Variants in ARPP21 observed in about 807,000 individuals in gnomAD.
The protein encoded by ARPP21 is cAMP-regulated phosphoprotein 21.
Under a neutral mutation model 113.2 loss-of-function variants are expected in ARPP21, and 69 were observed. The observed-to-expected ratio is 0.61, with a 90% CI of 0.50 to 0.74. The LOEUF is 0.74. ARPP21 is among the 30% of genes least tolerant of loss of function. The probability of loss-of-function intolerance (pLI) is 0.00; values close to 1 mark genes in which losing one functional copy is unlikely to be tolerated. For missense variants in ARPP21, 1,070 were observed against 1,037.4 expected (o/e 1.03, Z -0.43); for synonymous variants, 368 against 375.5 (o/e 0.98, Z 0.23).
chr3:35,720,261 A>G (rs1376197768), intron 13 of ARPP21, among the ~76,000 whole-genome samples: 4 of 152,222 alleles, frequency 2.6e-5, no homozygotes, highest in Non-Finnish European at 5.9e-5. Context: ...TTTGCTTTAC[A>G]AAGTTCCTGT....
chr3:35,697,395 T>C (rs1384429273), intron 9 of ARPP21, among the ~76,000 whole-genome samples: 1 of 151,602 alleles, frequency 6.6e-6, no homozygotes, highest in Non-Finnish European at 1.5e-5. Context: ...CCTGGGTATT[T>C]TGCCTGGAGT....
At chr3:35,717,665 T>C (rs2150220567) in intron 13 of ARPP21, among the ~76,000 whole-genome samples, 1 of 152,254 alleles carries the variant, frequency 6.6e-6, no homozygotes, top group East Asian at 1.9e-4. Context: ...CTGAGTTAAA[T>C]TTTCACTGAC....
At chr3:35,770,218 A>G (rs2096148947) in intron 19 of ARPP21, among the ~76,000 whole-genome samples, 1 of 152,254 alleles carries the variant, frequency 6.6e-6, no homozygotes, top group African/African-American at 2.4e-5. Flanking sequence ...ATTATCTTAT[A>G]GAAAGAACAT....
intron 19 of ARPP21, among the ~76,000 whole-genome samples, chr3:35,746,114 C>T (rs1343479018): frequency 6.6e-6 from 1 of 152,212 alleles, no homozygotes; most frequent in African/African-American, 2.4e-5. Context: ...CACATGCACA[C>T]TGAGACCTTT....
At chr3:35,680,595 T>G (rs974095474) in intron 2 of ARPP21, among the ~76,000 whole-genome samples, 3 of 151,968 alleles carry the variant, frequency 2.0e-5, no homozygotes, top group Non-Finnish European at 4.4e-5. Context: ...AAGAAACATA[T>G]TAAAACTCTT....
chr3:35,681,437 G>C (rs2078894702), intron 2 of ARPP21: 1 of 238,468 alleles, frequency 4.2e-6, no homozygotes, highest in Non-Finnish European at 8.3e-6. Flanking sequence ...TGGGGAACTG[G>C]TAGTTGTGTG....
intron 1 of ARPP21, chr3:35,650,260 T>A (rs1176491579): frequency 6.6e-6 from 1 of 152,162 alleles, no homozygotes; most frequent in African/African-American, 2.4e-5. Context: ...TAACAAGGCT[T>A]GTCTTTGCAT....
intron 19 of ARPP21, among the ~76,000 whole-genome samples, chr3:35,762,868 G>C (rs1003558881): frequency 6.6e-6 from 1 of 151,986 alleles, no homozygotes; most frequent in South Asian, 2.1e-4. Context: ...TGTAAGACAC[G>C]ATCACACTCT....
At position 35,691,856 on chromosome 3, in the gene ARPP21, G is replaced by A. The variant is rs183494127; in HGVS notation, c.686+851G>A. On this transcript the variant is annotated intron_variant, in intron 9 of 20. Coordinates refer to ENST00000684406, the MANE Select transcript of ARPP21 (RefSeq NM_001385562.1). Reference sequence around the variant, plus strand: ...ATTTTCTTTTTTCACAATGTGCTTGGTAAACCGTAAATTGCATGCTCTTTA... The same window carrying A: ...ATTTTCTTTTTTCACAATGTGCTTGATAAACCGTAAATTGCATGCTCTTTA... 4.1e-3 allele frequency among the ~76,000 whole-genome samples: 624 copies of A among 151,580 alleles called. 3 individuals are homozygous for A. The highest frequency in any genetic ancestry group is 0.015 in the African/African-American group (603 of 41,422).
intron 19 of ARPP21, among the ~76,000 whole-genome samples, chr3:35,755,004 A>G (rs985695011): frequency 1.1e-4 from 16 of 152,070 alleles, no homozygotes; most frequent in African/African-American, 3.1e-4. Context: ...AAGCATACAC[A>G]TATATGTTAT....
chr3:35,742,594 G>T lies in ARPP21; in HGVS notation c.2011-1245G>T, dbSNP rs554296257. ...TAATTCATCATGATTCCATGAAATTGCAGAGCTACAGGTTCACACAGATTA... is the reference window on the plus strand; with the variant it reads ...TAATTCATCATGATTCCATGAAATTTCAGAGCTACAGGTTCACACAGATTA... On this transcript the variant is annotated intron_variant, in intron 18 of 20. Coordinates refer to ENST00000684406, the MANE Select transcript of ARPP21 (RefSeq NM_001385562.1). Among the ~76,000 whole-genome samples, 11 of 152,294 alleles carry T rather than the reference G, an allele frequency of 7.2e-5. No homozygotes were observed. The East Asian group carries it at 1.5e-3, about 21-fold the overall frequency.
At chr3:35,768,613 A>G (rs1206631897) in intron 19 of ARPP21, among the ~76,000 whole-genome samples, 1 of 152,182 alleles carries the variant, frequency 6.6e-6, no homozygotes, top group Non-Finnish European at 1.5e-5. Context: ...TTGCTTCTAT[A>G]AGGAATCCCA....
At chr3:35,680,252 T>A (rs1217129331) in intron 2 of ARPP21, among the ~76,000 whole-genome samples, 1 of 151,928 alleles carries the variant, frequency 6.6e-6, no homozygotes, top group Non-Finnish European at 1.5e-5. Context: ...TGGAACTTTT[T>A]ATTTTGTTAA....
At chr3:35,737,788 G>T (rs1333228368) in intron 16 of ARPP21, among the ~76,000 whole-genome samples, 1 of 152,152 alleles carries the variant, frequency 6.6e-6, no homozygotes, top group Non-Finnish European at 1.5e-5. Flanking sequence ...GTCAATTCCA[G>T]GGAGGACTGG....
chr3:35,713,399 AT>A (rs1258433778), intron 11 of ARPP21, among the ~76,000 whole-genome samples: 32 of 148,032 alleles, frequency 2.2e-4, no homozygotes, highest in East Asian at 5.9e-4. Flanking sequence ...TGGGTAAGGT[AT>A]TTTTTTTTTA....
At chr3:35,657,842 A>T (rs1705734914) in intron 1 of ARPP21, among the ~76,000 whole-genome samples, 1 of 152,078 alleles carries the variant, frequency 6.6e-6, no homozygotes, top group Non-Finnish European at 1.5e-5. Flanking sequence ...CCTTAGAAAT[A>T]GCTCTCCCAG....
rs73828916 is a variant in ARPP21 at position 35,792,378 on chromosome 3, G to T, written c.2138-4G>T. On this transcript the variant is annotated splice_polypyrimidine_tract_variant and splice_region_variant and intron_variant, in intron 19 of 20. Transcript: ENST00000684406. ...CCAGTTCAAAAGATCTCTTTTCTTCGCAGGTTACCAGCCAGTCTTGTCTGG... is the reference window on the plus strand; with the variant it reads ...CCAGTTCAAAAGATCTCTTTTCTTCTCAGGTTACCAGCCAGTCTTGTCTGG... The T allele has an allele frequency of 1.2e-6, 2 of 1,613,164 alleles. No individual in the cohort carries two copies. The highest frequency in any genetic ancestry group is 1.7e-5 in the Admixed American group (1 of 59,962).
intron 9 of ARPP21, among the ~76,000 whole-genome samples, chr3:35,692,661 G>T: frequency 6.6e-6 from 1 of 151,632 alleles, no homozygotes; most frequent in East Asian, 2.0e-4. Flanking sequence ...ATGTTTCCTC[G>T]GAGAATGGCT....
intron 9 of ARPP21, among the ~76,000 whole-genome samples, chr3:35,698,688 G>C (rs184972553): frequency 6.6e-6 from 1 of 151,484 alleles, no homozygotes; most frequent in Non-Finnish European, 1.5e-5. Context: ...ACATTAACAG[G>C]CTTAATACTC....
Sources: allele counts gnomAD v4.1 joint callset (sites outside exome capture counted in the v4.1 genomes callset), GRCh38; gene constraint gnomAD v4.1.1; transcripts MANE v1.5; gene names NCBI Gene and HGNC (gene_info 2026-07-23, HGNC 2026-07-21).